Variants in DYM observed in about 807,000 individuals in gnomAD.
DYM encodes dymeclin, also known as dyggve-Melchior-Clausen syndrome protein.
In DYM, 78 loss-of-function variants were observed where a neutral mutation model predicts 93.1. The ratio of observed to expected loss-of-function variants is 0.84; its 90% confidence interval spans 0.70 to 1.01. The LOEUF (loss-of-function observed/expected upper bound fraction) is 1.01. DYM is among the 50% of genes least tolerant of loss of function. DYM has a pLI of 0.00. For missense variants in DYM, 789 were observed against 845.0 expected (o/e 0.93, Z 0.82); for synonymous variants, 321 against 319.7 (o/e 1.00, Z -0.04).
chr18:49,195,244 T>C (rs1422439977), intron 14 of DYM, among the ~76,000 whole-genome samples: 3 of 152,214 alleles, frequency 2.0e-5, no homozygotes, highest in Admixed American at 1.3e-4. Context: ...CGTGTTACTT[T>C]AAAATTAAGT....
At chr18:49,065,320 C>G (rs1031369664) in intron 17 of DYM, among the ~76,000 whole-genome samples, 3 of 152,184 alleles carry the variant, frequency 2.0e-5, no homozygotes, top group South Asian at 2.1e-4. Flanking sequence ...CTTCCTCTAA[C>G]TCATATTGCC....
chr18:49,185,367 T>C (rs1259062307), intron 14 of DYM, among the ~76,000 whole-genome samples: 3 of 152,222 alleles, frequency 2.0e-5, no homozygotes, highest in Non-Finnish European at 4.4e-5. Context: ...GAATGTAAAA[T>C]GAGAATTACT....
At chr18:49,102,199 G>A (rs2080232070) in intron 16 of DYM, among the ~76,000 whole-genome samples, 2 of 152,174 alleles carry the variant, frequency 1.3e-5, no homozygotes, top group South Asian at 4.2e-4. Context: ...AACGCTCTGT[G>A]AGCACTTACC....
chr18:49,119,994 G>C (rs1568452744), intron 15 of DYM, among the ~76,000 whole-genome samples: 1 of 149,388 alleles, frequency 6.7e-6, no homozygotes, highest in Non-Finnish European at 1.5e-5. Context: ...GGGGAGGATG[G>C]CTTAAGCCTG....
In DYM at chr18:49,044,066, C is replaced by T. The variant is rs528865224; in HGVS notation, c.2164G>A (p.Asp722Asn). 1 of 1,613,578 alleles carries T rather than the reference C, an allele frequency of 6.2e-7. No homozygotes were observed. The highest frequency in any genetic ancestry group is 2.2e-5 in the East Asian group (1 of 44,890). Residue 722 changes from aspartate to asparagine, a missense_variant, in exon 18 of 18, where the codon GAT becomes AAT. By Grantham distance (23) the Asp-to-Asn change is conservative (BLOSUM62 1). Coordinates refer to ENST00000675505, the MANE Select transcript of DYM (RefSeq NM_001353214.3). ...NPQDIQLFTM[D>N]SD The stretch of plus-strand genomic sequence containing the variant: ...AGAGCATCCTGCCCTCAGTCGGAAT[C>T]CATGGTGAACAGCTGGATGTCCTGT...
intron 17 of DYM, among the ~76,000 whole-genome samples, chr18:49,071,333 G>A (rs1317850104): frequency 1.3e-5 from 2 of 152,170 alleles, no homozygotes; most frequent in Non-Finnish European, 2.9e-5. Flanking sequence ...CAGTACACAT[G>A]TTAAACTGAA....
At chr18:49,355,397 C>T (rs1347552664) in intron 6 of DYM, among the ~76,000 whole-genome samples, 3 of 151,896 alleles carry the variant, frequency 2.0e-5, no homozygotes, top group Admixed American at 6.6e-5. Flanking sequence ...ATAGATGATA[C>T]ATTGATACAC....
intron 15 of DYM, among the ~76,000 whole-genome samples, chr18:49,131,068 G>A (rs1009123164): frequency 8.5e-5 from 13 of 152,152 alleles, no homozygotes; most frequent in African/African-American, 1.9e-4. Flanking sequence ...ATGGTCTTGC[G>A]TAGCAGATAA....
At chr18:49,101,935 T>C (rs906660525) in intron 16 of DYM, among the ~76,000 whole-genome samples, 2 of 152,204 alleles carry the variant, frequency 1.3e-5, no homozygotes, top group African/African-American at 4.8e-5. Context: ...CAAAGAAGGC[T>C]TACATTTGAG....
chr18:49,454,987 G>C (rs1195037166), intron 1 of DYM, among the ~76,000 whole-genome samples: 2 of 149,816 alleles, frequency 1.3e-5, no homozygotes, highest in South Asian at 4.3e-4. Flanking sequence ...CTCTCTCAAG[G>C]AGCTGCTCTC....
chr18:49,049,883 A>G, intron 17 of DYM: 1 of 154,152 alleles, frequency 6.5e-6, no homozygotes, highest in East Asian at 1.9e-4. Context: ...ACCAGACACA[A>G]GTGCTGACAA....
intron 5 of DYM, among the ~76,000 whole-genome samples, chr18:49,371,906 C>T (rs1355215479): frequency 1.3e-5 from 2 of 152,212 alleles, no homozygotes; most frequent in African/African-American, 2.4e-5. Flanking sequence ...AGCTTACTGA[C>T]AGTCACATTA....
rs180920140 is a variant in DYM at position 49,166,136 on chromosome 18, C to T, written c.1626-2349G>A. ...CATACTTTCCACTCATCGTTATTCT[C>T]ATGACCCACTGATAACTAATATTAA... On this transcript the variant is annotated intron_variant, in intron 14 of 17. Coordinates refer to ENST00000675505, the MANE Select transcript of DYM (RefSeq NM_001353214.3). 3.6e-4 allele frequency among the ~76,000 whole-genome samples: 55 copies of T among 152,298 alleles called. No individual in the cohort carries two copies. In the East Asian group the frequency reaches 6.0e-3, roughly 17 times the overall value.
rs114468935 is a variant in DYM, at chr18:49,051,977, G to T, written c.2026-7773C>A. Among the ~76,000 whole-genome samples, 975 of 152,364 alleles carry T rather than the reference G, an allele frequency of 6.4e-3. 10 individuals are homozygous for T. The highest frequency in any genetic ancestry group is 0.022 in the African/African-American group (914 of 41,588). On this transcript the variant is annotated intron_variant, in intron 17 of 17. Coordinates refer to ENST00000675505, the MANE Select transcript of DYM (RefSeq NM_001353214.3). Reference sequence around the variant, plus strand: ...ATAGCGCCAGCTCCTCTCCCACAGTGAGCAAGGGAGCAGAGAGATTGTTCC... The same window carrying T: ...ATAGCGCCAGCTCCTCTCCCACAGTTAGCAAGGGAGCAGAGAGATTGTTCC...
intron 13 of DYM, among the ~76,000 whole-genome samples, chr18:49,221,687 A>T (rs1171559905): frequency 6.6e-6 from 1 of 152,110 alleles, no homozygotes; most frequent in Admixed American, 6.6e-5. Context: ...GTTCTCACTC[A>T]TAGGTGGGAA....
chr18:49,162,145 C>T (rs1305727814), intron 15 of DYM, among the ~76,000 whole-genome samples: 2 of 152,178 alleles, frequency 1.3e-5, no homozygotes, highest in Non-Finnish European at 2.9e-5. Flanking sequence ...ATTTATAACA[C>T]ATTCTCTTTC....
intron 15 of DYM, among the ~76,000 whole-genome samples, chr18:49,128,941 T>C (rs1013144943): frequency 1.3e-5 from 2 of 152,166 alleles, no homozygotes; most frequent in Non-Finnish European, 2.9e-5. Context: ...TATTTATCTT[T>C]GATACTCTTA....
intron 17 of DYM, among the ~76,000 whole-genome samples, chr18:49,092,198 C>G (rs191736798): frequency 1.3e-5 from 2 of 152,308 alleles, no homozygotes; most frequent in East Asian, 3.9e-4. Flanking sequence ...ATACAAGCCA[C>G]ATTAATACAG....
intron 6 of DYM, among the ~76,000 whole-genome samples, chr18:49,355,794 C>G (rs144732495): frequency 0.015 from 2,206 of 151,536 alleles, 35 homozygotes; most frequent in Non-Finnish European, 0.021. Flanking sequence ...ACTCTCAAAA[C>G]TAAATGTAAA....
Sources: allele counts gnomAD v4.1 joint callset (sites outside exome capture counted in the v4.1 genomes callset), GRCh38; gene constraint gnomAD v4.1.1; transcripts MANE v1.5; gene names NCBI Gene and HGNC (gene_info 2026-07-23, HGNC 2026-07-21).